Variants in OSBPL6 observed in about 807,000 individuals in gnomAD.
OSBPL6 encodes oxysterol binding protein like 6.
Under a neutral mutation model 125.8 loss-of-function variants are expected in OSBPL6, and 49 were observed. That is an observed-to-expected ratio of 0.39 (90% CI 0.31 to 0.49). OSBPL6 has a LOEUF of 0.49. Among genes scored for constraint, OSBPL6 ranks in the 20% least tolerant of loss-of-function variants. OSBPL6 has a pLI of 0.88. For synonymous variants in OSBPL6, 394 were observed against 391.8 expected (o/e 1.01, Z -0.07); for missense variants, 986 against 1,135.4 (o/e 0.87, Z 1.89).
chr2:178,394,666 G>T lies in OSBPL6; in HGVS notation c.2696+231G>T, dbSNP rs116662885. Among the ~76,000 whole-genome samples, 935 of 152,232 alleles carry T rather than the reference G, an allele frequency of 6.1e-3. 8 individuals are homozygous for T. The highest frequency in any genetic ancestry group is 0.021 in the African/African-American group (878 of 41,534). On this transcript the variant is annotated intron_variant, in intron 24 of 24. Transcript: ENST00000190611. ...GGCAGCAGAAAAGAGTGAGCATCCT[G>T]CCCAGAAGGCTCTTTGTCCTTCAGC...
intron 1 of OSBPL6, among the ~76,000 whole-genome samples, chr2:178,248,960 A>C (rs2091589575): frequency 6.6e-6 from 1 of 152,092 alleles, no homozygotes; most frequent in African/African-American, 2.4e-5. Flanking sequence ...TTATTGAGAC[A>C]GAGTCTCGCT....
In OSBPL6 at chr2:178,267,775, C is replaced by T. The variant is rs552786850; in HGVS notation, c.-350-17152C>T. 5.3e-4 allele frequency among the ~76,000 whole-genome samples: 80 copies of T among 150,072 alleles called. No homozygotes were observed. In the South Asian group the frequency reaches 7.1e-3, roughly 13 times the overall value. On this transcript the variant is annotated intron_variant, in intron 1 of 24. Transcript: ENST00000190611. ...AAGGAATTTACATTTTAAATTGAGACCAGCTGTAACTATAAGCAACATATA... is the reference window on the plus strand; with the variant it reads ...AAGGAATTTACATTTTAAATTGAGATCAGCTGTAACTATAAGCAACATATA...
rs192586317 is a variant in OSBPL6 at position 178,242,764 on chromosome 2, C to T, written c.-350-42163C>T. ...GTTGGCCAAAATGTGAGCAGGATAT[C>T]GATGCGTTAAGTTTTTATCAAAGAA... is the stretch of plus-strand genomic sequence containing the variant. On this transcript the variant is annotated intron_variant, in intron 1 of 24. Transcript: ENST00000190611. Among the ~76,000 whole-genome samples the T allele has an allele frequency of 1.1e-3, 166 of 152,184 alleles. 2 individuals carry two copies. Among genetic ancestry groups the T allele is most frequent in the African/African-American group, 3.8e-3 (158 of 41,526 alleles).
At position 178,282,301 on chromosome 2, in the gene OSBPL6, G is replaced by A. The variant is rs1467269583; in HGVS notation, c.-350-2626G>A. ...CATATGTGATGCGATGGGAGAGGGC[G>A]GAGGAATTCCTTAGATATGGTTAGT... On this transcript the variant is annotated intron_variant, in intron 1 of 24. Transcript: ENST00000190611. 5.3e-5 allele frequency among the ~76,000 whole-genome samples: 8 copies of A among 152,290 alleles called. 1 individual carries two copies. The highest frequency in any genetic ancestry group is 1.7e-4 in the African/African-American group (7 of 41,558).
At chr2:178,278,909 C>T (rs1263636258) in intron 1 of OSBPL6, among the ~76,000 whole-genome samples, 1 of 152,154 alleles carries the variant, frequency 6.6e-6, no homozygotes, top group East Asian at 1.9e-4. Flanking sequence ...TATTGTGCTA[C>T]AGATTTCTAG....
intron 1 of OSBPL6, among the ~76,000 whole-genome samples, chr2:178,235,398 C>CTTTTT (rs540269327): frequency 0.022 from 1,703 of 78,126 alleles, 18 homozygotes; most frequent in Middle Eastern, 0.042. Flanking sequence ...CTTTTCTTTT[C>CTTTTT]TTTTTTTTTT....
At chr2:178,312,126 C>T (rs942831163) in intron 3 of OSBPL6, among the ~76,000 whole-genome samples, 1 of 149,152 alleles carries the variant, frequency 6.7e-6, no homozygotes, top group Non-Finnish European at 1.5e-5. Context: ...GGACTACAGG[C>T]GAGCACCACC....
chr2:178,257,293 G>A (rs2154009255), intron 1 of OSBPL6, among the ~76,000 whole-genome samples: 1 of 152,208 alleles, frequency 6.6e-6, no homozygotes, highest in African/African-American at 2.4e-5. Flanking sequence ...ATCTTCTCTT[G>A]ACCATCAAGT....
chr2:178,324,486 A>G (rs1156457767), intron 4 of OSBPL6, among the ~76,000 whole-genome samples: 2 of 152,236 alleles, frequency 1.3e-5, no homozygotes, highest in African/African-American at 4.8e-5. Context: ...GTAGGGTTAC[A>G]TTCAAAGGTC....
At chr2:178,267,371 A>AAAAAC (rs1559180887) in intron 1 of OSBPL6, among the ~76,000 whole-genome samples, 8 of 150,662 alleles carry the variant, frequency 5.3e-5, no homozygotes, top group South Asian at 2.1e-4. Flanking sequence ...AAAAAAAAAA[A>AAAAAC]AAAACAAAAC....
At chr2:178,350,757 C>A (rs1450037488) in intron 12 of OSBPL6, among the ~76,000 whole-genome samples, 1 of 152,170 alleles carries the variant, frequency 6.6e-6, no homozygotes, top group Non-Finnish European at 1.5e-5. Context: ...TAGCCAGTAA[C>A]TTCTACTTTG....
At chr2:178,243,063 T>C (rs1041581827) in intron 1 of OSBPL6, among the ~76,000 whole-genome samples, 7 of 152,122 alleles carry the variant, frequency 4.6e-5, no homozygotes, top group African/African-American at 1.7e-4. Flanking sequence ...TAAAAATGTA[T>C]AAAATCAATA....
chr2:178,242,730 A>G (rs898395882), intron 1 of OSBPL6, among the ~76,000 whole-genome samples: 2 of 152,194 alleles, frequency 1.3e-5, no homozygotes, highest in Non-Finnish European at 2.9e-5. Context: ...GCTTTTCAAA[A>G]TACTACCAGT....
intron 1 of OSBPL6, among the ~76,000 whole-genome samples, chr2:178,273,437 AG>A (rs1414684593): frequency 3.9e-5 from 6 of 152,040 alleles, no homozygotes; most frequent in Non-Finnish European, 7.4e-5. Flanking sequence ...AAAAATAGCC[AG>A]GCATGGTGGT....
At chr2:178,280,204 T>A (rs1195891802) in intron 1 of OSBPL6, among the ~76,000 whole-genome samples, 6 of 151,542 alleles carry the variant, frequency 4.0e-5, no homozygotes, top group Non-Finnish European at 8.8e-5. Flanking sequence ...TCAAAAAAAT[T>A]TAAAAAAAAT....
intron 1 of OSBPL6, among the ~76,000 whole-genome samples, chr2:178,263,531 G>A (rs1482994404): frequency 2.6e-5 from 4 of 152,200 alleles, no homozygotes; most frequent in African/African-American, 7.2e-5. Context: ...TCCTCTAGCA[G>A]CCTAGCATCC....
chr2:178,344,174 A>G (rs1690479660), intron 11 of OSBPL6: 1 of 885,166 alleles, frequency 1.1e-6, no homozygotes, highest in Non-Finnish European at 1.8e-6. Context: ...AGAAAAGTCG[A>G]CTTCAGTTAA....
At chr2:178,380,820 C>T (rs549834597) in intron 15 of OSBPL6, among the ~76,000 whole-genome samples, 2 of 152,260 alleles carry the variant, frequency 1.3e-5, no homozygotes, top group South Asian at 4.1e-4. Context: ...TGTTGCCTTT[C>T]CAAATAAAGT....
intron 4 of OSBPL6, among the ~76,000 whole-genome samples, chr2:178,326,103 T>C (rs2154074070): frequency 7.7e-6 from 1 of 130,226 alleles, no homozygotes; most frequent in Non-Finnish European, 1.7e-5. Context: ...TGATTAGTGG[T>C]GGAAGAATTT....
Sources: allele counts gnomAD v4.1 joint callset (sites outside exome capture counted in the v4.1 genomes callset), GRCh38; gene constraint gnomAD v4.1.1; transcripts MANE v1.5; gene names NCBI Gene and HGNC (gene_info 2026-07-23, HGNC 2026-07-21).